Variants in SHISA9 observed in about 807,000 individuals in gnomAD.
The protein encoded by SHISA9 is shisa family member 9.
Under a neutral mutation model 38.0 loss-of-function variants are expected in SHISA9, and 13 were observed. That is an observed-to-expected ratio of 0.34 (90% CI 0.22 to 0.54). The LOEUF (loss-of-function observed/expected upper bound fraction) is 0.54, where lower values mean the gene tolerates loss of function less well. Among genes scored for constraint, SHISA9 ranks in the 20% least tolerant of loss-of-function variants. The pLI, the probability that SHISA9 is intolerant of heterozygous loss-of-function variation, is 0.91. For missense variants in SHISA9, 538 were observed against 575.8 expected (o/e 0.93, Z 0.67); for synonymous variants, 275 against 242.0 (o/e 1.14, Z -1.27).
the SHISA9 span, among the ~76,000 whole-genome samples, chr16:13,553,237 A>C: frequency 6.6e-6 from 1 of 152,186 alleles, no homozygotes; most frequent in Non-Finnish European, 1.5e-5. Context: ...TCATTTCCCC[A>C]TTCTGTAAGT....
chr16:13,001,792 T>C (rs1435882874), intron 2 of SHISA9, among the ~76,000 whole-genome samples: 1 of 152,152 alleles, frequency 6.6e-6, no homozygotes, highest in South Asian at 2.1e-4. Flanking sequence ...CTGACATACT[T>C]AGGGAAAAAT....
rs115376270 is a variant in SHISA9, at chr16:13,184,212, C to G, written c.692-19182C>G. On this transcript the variant is annotated intron_variant, in intron 2 of 4. Coordinates refer to ENST00000558583, the MANE Select transcript of SHISA9 (RefSeq NM_001145204.3). ...ATCTACTTACCCACCTATTTCCATTCCACTGCCTCACATAACTAATCACCT... is the reference window on the plus strand; with the variant it reads ...ATCTACTTACCCACCTATTTCCATTGCACTGCCTCACATAACTAATCACCT... 9.1e-3 allele frequency among the ~76,000 whole-genome samples: 1,381 copies of G among 152,248 alleles called. 15 individuals carry two copies. The highest frequency in any genetic ancestry group is 0.031 in the African/African-American group (1,296 of 41,532).
intron 4 of SHISA9, among the ~76,000 whole-genome samples, chr16:13,222,879 A>G (rs1019101624): frequency 1.3e-5 from 2 of 152,100 alleles, no homozygotes; most frequent in African/African-American, 4.8e-5. Flanking sequence ...TATAATCTTT[A>G]TATTTTCTGA....
chr16:13,203,334 A>G, intron 2 of SHISA9, 60 bp from the exon 3 acceptor site: 1 of 1,395,406 alleles, frequency 7.2e-7, no homozygotes. Context: ...TGGTGATGGG[A>G]GGGAAGGTAG....
chr16:13,076,516 C>A (rs907108879), intron 2 of SHISA9, among the ~76,000 whole-genome samples: 5 of 152,138 alleles, frequency 3.3e-5, no homozygotes, highest in Admixed American at 1.3e-4. Context: ...ACACACCCAA[C>A]CTTCTGCCAT....
chr16:13,475,030 T>C, the SHISA9 span, among the ~76,000 whole-genome samples: 7 of 152,194 alleles, frequency 4.6e-5, no homozygotes, highest in Admixed American at 1.3e-4. Flanking sequence ...ACAAAATCAA[T>C]CTGGCTGTTC....
chr16:13,026,078 T>C (rs975713148), intron 2 of SHISA9, among the ~76,000 whole-genome samples: 3 of 152,216 alleles, frequency 2.0e-5, no homozygotes, highest in Non-Finnish European at 4.4e-5. Context: ...GTGTTGGGAT[T>C]ACAGGCGTGA....
chr16:13,281,838 A>G, the SHISA9 span, among the ~76,000 whole-genome samples: 1 of 151,404 alleles, frequency 6.6e-6, no homozygotes, highest in Non-Finnish European at 1.5e-5. Context: ...TTTCTGCTTT[A>G]TCCTTTATGT....
the SHISA9 span, among the ~76,000 whole-genome samples, chr16:13,272,137 A>G: frequency 1.3e-5 from 2 of 152,004 alleles, no homozygotes; most frequent in African/African-American, 4.8e-5. Flanking sequence ...CGGTGGTTGC[A>G]TCACTTGGTA....
chr16:13,510,721 G>A, the SHISA9 span, among the ~76,000 whole-genome samples: 2 of 151,812 alleles, frequency 1.3e-5, no homozygotes, highest in Admixed American at 1.3e-4. Flanking sequence ...TATAATTCCA[G>A]CCTATAGAAA....
chr16:13,062,806 A>G lies in SHISA9; in HGVS notation c.692-140588A>G, dbSNP rs539790756. ...TGATTTTTAAAACTGTTGCATTTGA[A>G]TACTGTTTATTCCGATGATGGAGTT... is the stretch of plus-strand genomic sequence containing the variant. On this transcript the variant is annotated intron_variant, in intron 2 of 4. Coordinates refer to ENST00000558583, the MANE Select transcript of SHISA9 (RefSeq NM_001145204.3). Among the ~76,000 whole-genome samples the G allele has an allele frequency of 5.9e-5, 9 of 152,226 alleles. No individual in the cohort carries two copies. The South Asian group carries it at 1.9e-3, about 32-fold the overall frequency.
chr16:13,480,655 C>T, the SHISA9 span, among the ~76,000 whole-genome samples: 1 of 152,190 alleles, frequency 6.6e-6, no homozygotes, highest in Non-Finnish European at 1.5e-5. Flanking sequence ...GTTTTGCACC[C>T]TCTGAAGCAA....
At chr16:13,059,451 T>C (rs2073349539) in intron 2 of SHISA9, among the ~76,000 whole-genome samples, 1 of 151,964 alleles carries the variant, frequency 6.6e-6, no homozygotes, top group Non-Finnish European at 1.5e-5. Flanking sequence ...TTTACAGAGG[T>C]ACAGAGTCTA....
In SHISA9 at chr16:13,012,077, C is replaced by T. The variant is rs191926994; in HGVS notation, c.691+95262C>T. On this transcript the variant is annotated intron_variant, in intron 2 of 4. Coordinates refer to ENST00000558583, the MANE Select transcript of SHISA9 (RefSeq NM_001145204.3). ...CTGACCTCATGTGATCCACCCACCTCGGCCTCCTAAAGAGCTGGGATTACA... is the reference window on the plus strand; with the variant it reads ...CTGACCTCATGTGATCCACCCACCTTGGCCTCCTAAAGAGCTGGGATTACA... Among the ~76,000 whole-genome samples, 985 of 152,278 alleles carry T rather than the reference C, an allele frequency of 6.5e-3. 11 individuals carry two copies. The highest frequency in any genetic ancestry group is 0.023 in the African/African-American group (942 of 41,560).
rs74245935 is a variant in SHISA9 at position 13,094,922 on chromosome 16, A to T, written c.692-108472A>T. ...TGTAAGTGTTATAAAAATTAACAATAACATATGTAAAGCAGCTACTATAGT... is the reference window on the plus strand; with the variant it reads ...TGTAAGTGTTATAAAAATTAACAATTACATATGTAAAGCAGCTACTATAGT... On this transcript the variant is annotated intron_variant, in intron 2 of 4. Transcript: ENST00000558583. 7.2e-3 allele frequency among the ~76,000 whole-genome samples: 1,096 copies of T among 152,316 alleles called. 41 individuals are homozygous for T. The highest frequency in any genetic ancestry group is 0.06 in the Admixed American group (912 of 15,294).
At chr16:13,562,505 C>A in the SHISA9 span, among the ~76,000 whole-genome samples, 15 of 151,846 alleles carry the variant, frequency 9.9e-5, no homozygotes, top group Non-Finnish European at 2.9e-5. Flanking sequence ...TGGCAGGCAC[C>A]TGTAGTCCCA....
intron 2 of SHISA9, among the ~76,000 whole-genome samples, chr16:13,004,096 C>G (rs2072564374): frequency 6.6e-6 from 1 of 152,134 alleles, no homozygotes; most frequent in Non-Finnish European, 1.5e-5. Context: ...ATTCTTTGCA[C>G]TCTGCTTTCC....
At chr16:13,040,972 G>A (rs188222381) in intron 2 of SHISA9, among the ~76,000 whole-genome samples, 31 of 152,308 alleles carry the variant, frequency 2.0e-4, no homozygotes, top group Admixed American at 1.8e-3. Flanking sequence ...ACCTGGAAAC[G>A]TGTGCTTCTG....
At chr16:13,257,069 A>ACAAAC in the SHISA9 span, among the ~76,000 whole-genome samples, 1 of 152,204 alleles carries the variant, frequency 6.6e-6, no homozygotes, top group Non-Finnish European at 1.5e-5. Context: ...GACCATCCAG[A>ACAAAC]GACTCTCTGC....
Sources: allele counts gnomAD v4.1 joint callset (sites outside exome capture counted in the v4.1 genomes callset), GRCh38; gene constraint gnomAD v4.1.1; transcripts MANE v1.5; gene names NCBI Gene and HGNC (gene_info 2026-07-23, HGNC 2026-07-21).